Variants in MDGA2 observed in about 807,000 individuals in gnomAD.
MDGA2 encodes the protein MAM domain containing glycosylphosphatidylinositol anchor 2.
A neutral mutation model predicts 117.8 loss-of-function variants in MDGA2; 40 were observed. The ratio of observed to expected loss-of-function variants is 0.34; its 90% CI spans 0.26 to 0.44. The LOEUF (loss-of-function observed/expected upper bound fraction) is 0.44, where lower values mean the gene tolerates loss of function less well. Among genes scored for constraint, MDGA2 ranks in the 20% least tolerant of loss-of-function variants. The probability of loss-of-function intolerance (pLI) is 1.00; values close to 1 mark genes in which losing one functional copy is unlikely to be tolerated. For synonymous variants in MDGA2, 452 were observed against 439.0 expected (o/e 1.03, Z -0.37); for missense variants, 1,123 against 1,250.6 (o/e 0.90, Z 1.54).
intron 1 of MDGA2, among the ~76,000 whole-genome samples, chr14:47,309,607 A>T (rs1889569654): frequency 6.6e-6 from 1 of 152,132 alleles, no homozygotes; most frequent in Admixed American, 6.6e-5. Context: ...ATTAAATTAA[A>T]TCCAGAAGCT....
chr14:47,653,784 C>A (rs1897689935), intron 1 of MDGA2, among the ~76,000 whole-genome samples: 1 of 152,050 alleles, frequency 6.6e-6, no homozygotes, highest in Admixed American at 6.6e-5. Context: ...GGAGACAGGA[C>A]TATGGAAGAA....
At chr14:47,536,598 T>C (rs1955810) in intron 1 of MDGA2, among the ~76,000 whole-genome samples, 39,974 of 152,184 alleles carry the variant, frequency 0.26, 5,826 homozygotes, top group South Asian at 0.52. Context: ...CCAGAATATA[T>C]TTATACCGTT....
At chr14:47,377,370 C>T (rs1891502355) in intron 1 of MDGA2, among the ~76,000 whole-genome samples, 1 of 152,114 alleles carries the variant, frequency 6.6e-6, no homozygotes, top group Admixed American at 6.5e-5. Flanking sequence ...TCTTGTCAGA[C>T]AGTGGGTGCA....
intron 3 of MDGA2, among the ~76,000 whole-genome samples, chr14:47,181,034 A>T (rs1884682469): frequency 6.6e-6 from 1 of 152,206 alleles, no homozygotes; most frequent in African/African-American, 2.4e-5. Flanking sequence ...AAGTTCAACC[A>T]TTGTGGAAGA....
At chr14:47,603,156 T>C (rs1488744096) in intron 1 of MDGA2, among the ~76,000 whole-genome samples, 30 of 152,208 alleles carry the variant, frequency 2.0e-4, no homozygotes. Flanking sequence ...ACACAGTCTG[T>C]CTGCCAAGAT....
At chr14:47,614,161 C>T (rs1896906895) in intron 1 of MDGA2, among the ~76,000 whole-genome samples, 1 of 145,228 alleles carries the variant, frequency 6.9e-6, no homozygotes, top group Admixed American at 7.0e-5. Context: ...GCGATCTCAG[C>T]TCACTGCAAC....
intron 9 of MDGA2, among the ~76,000 whole-genome samples, chr14:46,922,885 G>A (rs560777710): frequency 1.3e-5 from 2 of 152,280 alleles, no homozygotes; most frequent in South Asian, 2.1e-4. Flanking sequence ...CGGATGGAGC[G>A]AAGTAGGATA....
chr14:47,379,496 T>C (rs1450893256), intron 1 of MDGA2, among the ~76,000 whole-genome samples: 2 of 152,008 alleles, frequency 1.3e-5, no homozygotes, highest in African/African-American at 2.4e-5. Context: ...GAGACACACA[T>C]AGGCTCAAAA....
At chr14:47,253,762 G>C (rs758800387) in intron 2 of MDGA2, among the ~76,000 whole-genome samples, 2 of 152,204 alleles carry the variant, frequency 1.3e-5, no homozygotes, top group Non-Finnish European at 2.9e-5. Context: ...CTCTGTGTGG[G>C]GGCTCCAACT....
chr14:47,369,083 T>C (rs1407324572), intron 1 of MDGA2, among the ~76,000 whole-genome samples: 1 of 152,076 alleles, frequency 6.6e-6, no homozygotes, highest in East Asian at 1.9e-4. Context: ...ACTATACAAT[T>C]TGGAGTTTTA....
rs374253433 is a variant in MDGA2 at position 47,206,909 on chromosome 14, A to G, written c.595+11112T>C. Among the ~76,000 whole-genome samples, 7 of 152,038 alleles carry G rather than the reference A, an allele frequency of 4.6e-5. No homozygotes were observed. In the East Asian group the frequency reaches 5.8e-4, roughly 13 times the overall value. The stretch of plus-strand genomic sequence containing the variant: ...TTGTCCTAAAAAATGGAGAGATGAT[A>G]GATAGATGACTGACAGACCATTTCT... On this transcript the variant is annotated intron_variant, in intron 3 of 16. Coordinates refer to ENST00000399232, the MANE Select transcript of MDGA2 (RefSeq NM_001113498.3).
At chr14:47,078,517 T>C (rs1473448202) in intron 6 of MDGA2, among the ~76,000 whole-genome samples, 1 of 152,098 alleles carries the variant, frequency 6.6e-6, no homozygotes, top group East Asian at 1.9e-4. Context: ...TATCAAATTT[T>C]TGAAATATAA....
chr14:47,376,732 A>T (rs1281195495), intron 1 of MDGA2, among the ~76,000 whole-genome samples: 2 of 152,184 alleles, frequency 1.3e-5, no homozygotes, highest in African/African-American at 4.8e-5. Flanking sequence ...TCAGCAAAAC[A>T]ATGTAATTAG....
At chr14:47,158,201 A>G (rs1244316796) in intron 3 of MDGA2, among the ~76,000 whole-genome samples, 1 of 152,204 alleles carries the variant, frequency 6.6e-6, no homozygotes, top group Non-Finnish European at 1.5e-5. Flanking sequence ...TCAGTATAGT[A>G]ACATGCTGTA....
intron 1 of MDGA2, among the ~76,000 whole-genome samples, chr14:47,597,758 AAT>A (rs1224612264): frequency 3.3e-5 from 5 of 151,870 alleles, no homozygotes; most frequent in Non-Finnish European, 7.4e-5. Context: ...TCCTTTAAAA[AAT>A]ATAGTCAATT....
chr14:47,158,589 C>T (rs1883505846), intron 3 of MDGA2, among the ~76,000 whole-genome samples: 1 of 151,640 alleles, frequency 6.6e-6, no homozygotes, highest in African/African-American at 2.4e-5. Flanking sequence ...AGTGATTCTC[C>T]TGCCTCAACC....
chr14:47,570,404 C>T (rs1000069133), intron 1 of MDGA2, among the ~76,000 whole-genome samples: 1 of 152,088 alleles, frequency 6.6e-6, no homozygotes, highest in African/African-American at 2.4e-5. Context: ...ATATGTTCAA[C>T]TTAGACAAGT....
chr14:47,289,387 T>C (rs922069704), intron 2 of MDGA2, among the ~76,000 whole-genome samples: 2 of 149,828 alleles, frequency 1.3e-5, no homozygotes, highest in African/African-American at 4.9e-5. Flanking sequence ...ACTCATATAC[T>C]AGATCAATTA....
intron 10 of MDGA2, among the ~76,000 whole-genome samples, chr14:46,909,309 C>G (rs758581465): frequency 6.6e-6 from 1 of 152,066 alleles, no homozygotes; most frequent in Non-Finnish European, 1.5e-5. Context: ...TTCAGAAAGG[C>G]AGAACTTAGT....
Sources: allele counts gnomAD v4.1 joint callset (sites outside exome capture counted in the v4.1 genomes callset), GRCh38; gene constraint gnomAD v4.1.1; transcripts MANE v1.5; gene names NCBI Gene and HGNC (gene_info 2026-07-23, HGNC 2026-07-21).